TESPA1: variants seen among roughly 807,000 people sequenced by gnomAD.
TESPA1 encodes protein TESPA1.
In TESPA1, 33 loss-of-function variants were observed where a neutral mutation model predicts 57.9. The observed-to-expected ratio is 0.57, with a 90% confidence interval of 0.43 to 0.76. The LOEUF (loss-of-function observed/expected upper bound fraction) is 0.76. TESPA1 is among the 30% of genes least tolerant of loss of function. TESPA1 has a pLI of 0.00. For synonymous variants in TESPA1, 227 were observed against 228.9 expected (o/e 0.99, Z 0.07); for missense variants, 618 against 632.9 (o/e 0.98, Z 0.25).
chr12:54,980,829 A>G (rs767634420), intron 1 of TESPA1, among the ~76,000 whole-genome samples: 3 of 152,260 alleles, frequency 2.0e-5, no homozygotes, highest in Non-Finnish European at 2.9e-5. Flanking sequence ...TAGAAATTAA[A>G]GAAAAGGAAA....
At chr12:54,966,324 A>T in intron 6 of TESPA1, 64 bp downstream of exon 6, 1 of 1,609,360 alleles carries the variant, frequency 6.2e-7, no homozygotes, top group Non-Finnish European at 8.5e-7. Flanking sequence ...AATCTCTTTG[A>T]CCTACCCCAA....
intron 1 of TESPA1, among the ~76,000 whole-genome samples, chr12:54,979,394 A>G (rs893151790): frequency 2.0e-5 from 3 of 152,186 alleles, no homozygotes; most frequent in Admixed American, 6.5e-5. Context: ...CCATGAAACT[A>G]AGAAATTCCC....
In TESPA1 at chr12:54,966,073, C is replaced by G; in HGVS notation, c.426G>C (p.Gly142=). The G allele has an allele frequency of 6.3e-7, 1 of 1,575,732 alleles. No individual in the cohort carries two copies. The highest frequency in any genetic ancestry group is 8.6e-7 in the Non-Finnish European group (1 of 1,159,504). ...CSLASSSMTG[G]TNKTSSSISE... is the part of the protein sequence containing the mutation. ...CCTACCTTGAACTAGTCTTGTTGGT[C>G]CCCCCAGTCATGCTGCTGGAAGCCA... Residue 142 remains glycine, a synonymous_variant, in exon 7 of 11, where the codon GGG becomes GGC. Coordinates refer to ENST00000449076, the MANE Select transcript of TESPA1 (RefSeq NM_001136030.3).
intron 3 of TESPA1, among the ~76,000 whole-genome samples, chr12:54,969,159 A>G (rs1171776981): frequency 1.3e-5 from 2 of 151,024 alleles, no homozygotes; most frequent in Non-Finnish European, 2.9e-5. Flanking sequence ...CCTTATGAAA[A>G]ATACTACATC....
At chr12:54,985,052 A>G (rs1952438946), upstream of TESPA1, among the ~76,000 whole-genome samples, 1 of 152,238 alleles carries the variant, frequency 6.6e-6, no homozygotes, top group Non-Finnish European at 1.5e-5. Flanking sequence ...TTCTGTCCTC[A>G]GGAGAGCTGT....
At chr12:54,969,046 T>TATATATATATATATAC (rs71070858) in intron 3 of TESPA1, among the ~76,000 whole-genome samples, 2,545 of 124,016 alleles carry the variant, frequency 0.021, 163 homozygotes, top group East Asian at 0.14. Flanking sequence ...TATATATATA[T>TATATATATATATATAC]GTGTGTGTGT....
Position 54,967,229 on chromosome 12 carries a change from G to T in TESPA1, c.264C>A (p.Cys88Ter), listed in dbSNP as rs1354933203. Residue 88 changes from cysteine to a stop codon, truncating the protein, a stop_gained, in exon 5 of 11, where the codon TGC (cysteine) becomes TGA (stop). Coordinates refer to ENST00000449076, the MANE Select transcript of TESPA1 (RefSeq NM_001136030.3). LOFTEE classifies it high-confidence loss of function. ...EAGQFIYNGFCSHGTSFEDDL... is the reference protein window; with the variant it reads ...EAGQFIYNGF The stretch of plus-strand genomic sequence containing the variant: ...CATCTTCAAAGCTGGTCCCATGGCT[G>T]CAGAAGCCTGTCCAATAATCAGGTG... 1 of 1,612,530 alleles carries T rather than the reference G, an allele frequency of 6.2e-7. No homozygotes were observed. Among genetic ancestry groups the T allele is most frequent in the Non-Finnish European group, 8.5e-7 (1 of 1,179,496 alleles).
intron 2 of TESPA1, 30 bp downstream of exon 2, chr12:54,974,370 A>T: frequency 1.3e-6 from 2 of 1,552,126 alleles, no homozygotes; most frequent in Non-Finnish European, 1.7e-6. Context: ...GCCAGACAAC[A>T]TAGACGCCTG....
intron 1 of TESPA1, among the ~76,000 whole-genome samples, chr12:54,978,791 A>C (rs2136208559): frequency 6.6e-6 from 1 of 152,328 alleles, no homozygotes; most frequent in East Asian, 1.9e-4. Context: ...GGCCTACTTA[A>C]GTCATCTCCT....
intron 7 of TESPA1, among the ~76,000 whole-genome samples, chr12:54,965,387 TC>T (rs1951362410): frequency 1.3e-5 from 2 of 152,272 alleles, no homozygotes; most frequent in South Asian, 4.2e-4. Flanking sequence ...GTTGTTCCCC[TC>T]CCTGTGTCCA....
At chr12:54,967,051 G>T in intron 5 of TESPA1, 132 bp downstream of exon 5, 2 of 943,932 alleles carry the variant, frequency 2.1e-6, no homozygotes, top group Non-Finnish European at 3.3e-6. Flanking sequence ...TAATGAGACT[G>T]CCCTTTCCCT....
At chr12:54,950,912 C>T (rs1300923414) in intron 10 of TESPA1, among the ~76,000 whole-genome samples, 3 of 152,034 alleles carry the variant, frequency 2.0e-5, no homozygotes, top group African/African-American at 4.8e-5. Flanking sequence ...CTCCAGATGA[C>T]CAATATAACC....
intron 1 of TESPA1, among the ~76,000 whole-genome samples, chr12:54,976,695 A>G (rs7311161): frequency 0.37 from 55,624 of 151,964 alleles, 13,093 homozygotes; most frequent in East Asian, 0.92. Context: ...GATGCATCTA[A>G]TACTACAAAC....
At chr12:54,973,234 C>T (rs758745718) in intron 3 of TESPA1, among the ~76,000 whole-genome samples, 9 of 152,150 alleles carry the variant, frequency 5.9e-5, no homozygotes, top group Non-Finnish European at 1.3e-4. Flanking sequence ...TAGCTCAAAC[C>T]CAACCTCTAT....
In TESPA1 at chr12:54,949,587, C is replaced by G. The variant is rs555757541; in HGVS notation, c.*805G>C. On this transcript the variant is annotated 3_prime_UTR_variant, in exon 11 of 11. Coordinates refer to ENST00000449076, the MANE Select transcript of TESPA1 (RefSeq NM_001136030.3). Reference sequence around the variant, plus strand: ...GTTTATTGACAAAACATTTAACTTCCAAAGCAAACTACAGCTGTTAGTTAA... The same window carrying G: ...GTTTATTGACAAAACATTTAACTTCGAAAGCAAACTACAGCTGTTAGTTAA... The G allele has an allele frequency of 1.3e-5, 2 of 152,402 alleles. No individual in the cohort carries two copies. Among genetic ancestry groups the G allele is most frequent in the Admixed American group, 6.5e-5 (1 of 15,306 alleles). The allele number at this position is 152,402 out of a possible 1,614,324, so 9.4% of individuals were successfully genotyped here.
chr12:54,962,758 T>C lies in TESPA1; in HGVS notation c.1140A>G (p.Gln380=), dbSNP rs1951169103. The C allele has an allele frequency of 6.2e-7, 1 of 1,613,828 alleles. No individual in the cohort carries two copies. The highest frequency in any genetic ancestry group is 2.2e-5 in the East Asian group (1 of 44,860). ...QRMSTVLAPS[Q]TLDSNPKVPC... ...GTACCTTGGGGTTCGAATCCAGAGT[T>C]TGGGATGGTGCTAGCACTGTGGACA... Residue 380 remains glutamine (Q), a synonymous_variant, in exon 9 of 11, where the codon CAA becomes CAG. Coordinates refer to ENST00000449076, the MANE Select transcript of TESPA1 (RefSeq NM_001136030.3).
At chr12:54,974,968 A>G (rs1328463124) in intron 1 of TESPA1, among the ~76,000 whole-genome samples, 1 of 152,208 alleles carries the variant, frequency 6.6e-6, no homozygotes. Flanking sequence ...GTCTACCAGA[A>G]TCTTCCATTA....
At chr12:54,966,024 C>T in intron 7 of TESPA1, 29 bp downstream of exon 7, 4 of 1,552,230 alleles carry the variant, frequency 2.6e-6, no homozygotes, top group Non-Finnish European at 3.5e-6. Context: ...CTTCTCCACC[C>T]TTCCACCCTG....
rs1950220023 is a variant in TESPA1 at position 54,948,819 on chromosome 12, T to C, written c.*1573A>G. On this transcript the variant is annotated 3_prime_UTR_variant, in exon 11 of 11. Coordinates refer to ENST00000449076, the MANE Select transcript of TESPA1 (RefSeq NM_001136030.3). ...ATATTTCTGTTCTCTTGTGACAAGA[T>C]AGCCTTAACTTTCCCCTCAGCTTGA... The C allele has an allele frequency of 6.6e-6, 1 of 152,262 alleles. No individual in the cohort carries two copies. Among genetic ancestry groups the C allele is most frequent in the African/African-American group, 2.4e-5 (1 of 41,464 alleles). 9.4% of individuals were successfully genotyped at this position (152,262 alleles called of 1,614,324 possible). A position where few individuals can be genotyped will look rare whatever the true frequency, so the allele number is the denominator to read the frequency against.
Sources: gnomAD v4.1 joint callset for allele counts (sites outside exome capture counted in the v4.1 genomes callset) on GRCh38, gnomAD v4.1.1 for gene constraint, MANE v1.5 for transcripts, NCBI Gene and HGNC (gene_info 2026-07-23, HGNC 2026-07-21) for gene names.